Variants in TIAM1 observed in about 807,000 individuals in gnomAD.
The protein encoded by TIAM1 is TIAM Rac1 associated GEF 1, also known as rho guanine nucleotide exchange factor TIAM1.
Under a neutral mutation model 163.5 loss-of-function variants are expected in TIAM1, and 65 were observed. That is an observed-to-expected ratio of 0.40 (90% CI 0.33 to 0.49). TIAM1 has a LOEUF of 0.49. Ranked by LOEUF, TIAM1 falls within the 20% of genes least tolerant of loss-of-function variation. The pLI is 0.77. For synonymous variants in TIAM1, 833 were observed against 810.1 expected (o/e 1.03, Z -0.48); for missense variants, 1,789 against 2,044.7 (o/e 0.87, Z 2.41).
chr21:31,455,529 C>T (rs933325270), intron 2 of TIAM1, among the ~76,000 whole-genome samples: 4 of 151,946 alleles, frequency 2.6e-5, no homozygotes, highest in Admixed American at 6.6e-5. Flanking sequence ...TCTCCTACCT[C>T]AGCCTCCTGA....
chr21:31,430,220 AAAAAAAT>A (rs869036622), intron 2 of TIAM1, among the ~76,000 whole-genome samples: 4,306 of 111,198 alleles, frequency 0.039, 99 homozygotes, highest in East Asian at 0.1. Flanking sequence ...GAAAAAAAAA[AAAAAAAT>A]ATATATATAT....
At chr21:31,361,095 A>T (rs2076398745) in intron 2 of TIAM1, among the ~76,000 whole-genome samples, 2 of 152,240 alleles carry the variant, frequency 1.3e-5, no homozygotes, top group Non-Finnish European at 1.5e-5. Context: ...TATTCACAAT[A>T]GTCAAACATT....
chr21:31,130,112 AGAC>A, intron 25 of TIAM1, 98 bp downstream of exon 25: 1 of 911,698 alleles, frequency 1.1e-6, no homozygotes, highest in Non-Finnish European at 1.6e-6. Flanking sequence ...AAAAAAAAAA[AGAC>A]GGTAGAAGAG....
At chr21:31,475,424 T>C (rs534954026) in intron 1 of TIAM1, among the ~76,000 whole-genome samples, 3 of 152,310 alleles carry the variant, frequency 2.0e-5, no homozygotes, top group South Asian at 2.1e-4. Context: ...ATCAGCTACA[T>C]AGGGTTTGGC....
intron 17 of TIAM1, 130 bp downstream of exon 17, chr21:31,154,117 A>T: frequency 9.1e-7 from 1 of 1,101,188 alleles, no homozygotes; most frequent in Non-Finnish European, 1.3e-6. Context: ...GTATAGGCAA[A>T]ATTCCAGGAG....
At chr21:31,363,022 A>G (rs1344918643) in intron 2 of TIAM1, among the ~76,000 whole-genome samples, 2 of 152,262 alleles carry the variant, frequency 1.3e-5, no homozygotes, top group East Asian at 3.9e-4. Flanking sequence ...CTTAACCACA[A>G]GATGGGCACA....
intron 20 of TIAM1, among the ~76,000 whole-genome samples, chr21:31,146,403 CAAAA>C (rs10542614): frequency 0.11 from 10,049 of 89,916 alleles, 387 homozygotes; most frequent in Non-Finnish European, 0.12. Context: ...GGCTCTGTGT[CAAAA>C]AAAAAAAAAA....
At chr21:31,164,500 A>C (rs2084111197) in intron 16 of TIAM1, among the ~76,000 whole-genome samples, 1 of 152,246 alleles carries the variant, frequency 6.6e-6, no homozygotes, top group Non-Finnish European at 1.5e-5. Flanking sequence ...GATTAATTTT[A>C]AAATATGGTT....
At chr21:31,176,000 C>A (rs966891823) in intron 15 of TIAM1, among the ~76,000 whole-genome samples, 2 of 152,142 alleles carry the variant, frequency 1.3e-5, no homozygotes, top group African/African-American at 2.4e-5. Context: ...TAGAGCTATA[C>A]CTTTTAATAA....
At chr21:31,220,860 C>G (rs2087518077) in intron 8 of TIAM1, among the ~76,000 whole-genome samples, 1 of 152,188 alleles carries the variant, frequency 6.6e-6, no homozygotes, top group Admixed American at 6.5e-5. Context: ...TCATTCTGCT[C>G]ATCTGTGCAA....
intron 20 of TIAM1, among the ~76,000 whole-genome samples, chr21:31,144,091 T>C (rs536952280): frequency 1.4e-4 from 22 of 152,280 alleles, no homozygotes; most frequent in African/African-American, 5.1e-4. Flanking sequence ...GACCACAATC[T>C]TGTTATCCCT....
intron 1 of TIAM1, among the ~76,000 whole-genome samples, chr21:31,343,335 C>G (rs1401464233): frequency 6.6e-6 from 1 of 152,166 alleles, no homozygotes; most frequent in Non-Finnish European, 1.5e-5. Context: ...CTGTGAGAAG[C>G]CTCATTTGAG....
intron 2 of TIAM1, among the ~76,000 whole-genome samples, chr21:31,421,317 C>T (rs1231393316): frequency 1.3e-5 from 2 of 152,058 alleles, no homozygotes; most frequent in African/African-American, 2.4e-5. Flanking sequence ...TAGGAGCCAC[C>T]AGAAGAAGAG....
chr21:31,542,014 C>T (rs942492649), intron 1 of TIAM1, among the ~76,000 whole-genome samples: 4 of 152,196 alleles, frequency 2.6e-5, no homozygotes, highest in Admixed American at 6.5e-5. Context: ...AGTGCCCTCA[C>T]CCCTCCCTCT....
intron 2 of TIAM1, among the ~76,000 whole-genome samples, chr21:31,299,186 T>C (rs1165075589): frequency 6.6e-6 from 1 of 152,208 alleles, no homozygotes; most frequent in African/African-American, 2.4e-5. Context: ...TCAAAAATAA[T>C]TTATAATATG....
intron 2 of TIAM1, among the ~76,000 whole-genome samples, chr21:31,292,284 C>T (rs759466658): frequency 1.3e-5 from 2 of 152,124 alleles, no homozygotes; most frequent in Non-Finnish European, 1.5e-5. Flanking sequence ...CTTGTTCTTC[C>T]CCGAAGGTCC....
intron 1 of TIAM1, among the ~76,000 whole-genome samples, chr21:31,472,173 G>C (rs1297563460): frequency 6.6e-6 from 1 of 152,138 alleles, no homozygotes; most frequent in African/African-American, 2.4e-5. Context: ...AAATCAGGAT[G>C]ATCATAATCA....
chr21:31,354,999 T>C (rs2076291772), intron 2 of TIAM1, among the ~76,000 whole-genome samples: 2 of 152,150 alleles, frequency 1.3e-5, no homozygotes, highest in Admixed American at 6.5e-5. Flanking sequence ...CCCAAAGCCC[T>C]GTACCCTGGG....
At chr21:31,471,870 A>AAAT (rs551501073) in intron 1 of TIAM1, among the ~76,000 whole-genome samples, 16,730 of 118,506 alleles carry the variant, frequency 0.14, 1,623 homozygotes, top group East Asian at 0.53. Context: ...ACTCCATCTC[A>AAAT]AATAATAATA....
Sources: allele counts gnomAD v4.1 joint callset (sites outside exome capture counted in the v4.1 genomes callset), GRCh38; gene constraint gnomAD v4.1.1; transcripts MANE v1.5; gene names NCBI Gene and HGNC (gene_info 2026-07-23, HGNC 2026-07-21).